DMD: variants seen among roughly 807,000 people sequenced by gnomAD.
DMD encodes the protein mutant dystrophin.
In DMD, 63 loss-of-function variants were observed where a neutral mutation model predicts 330.1. That is an observed-to-expected ratio of 0.19 (90% CI 0.16 to 0.24). DMD has a LOEUF of 0.24. DMD is among the 10% of genes least tolerant of loss of function. DMD has a pLI of 1.00. For synonymous variants in DMD, 1,223 were observed against 959.8 expected (o/e 1.27, Z -5.07); for missense variants, 3,344 against 2,684.1 (o/e 1.25, Z -5.43).
intron 42 of DMD, among the ~76,000 whole-genome samples, chrX:32,300,781 CAG>C (rs1172072048): frequency 1.8e-5 from 2 of 110,887 alleles, no homozygotes; most frequent in African/African-American, 6.5e-5. Flanking sequence ...TGTGACTCAG[CAG>C]AGGAGGGCCA....
At position 31,726,019 on chromosome X, in the gene DMD, G is replaced by A. The variant is rs201819024; in HGVS notation, c.7660+3612C>T. Among the ~76,000 whole-genome samples, 3 of 111,981 alleles carry A rather than the reference G, an allele frequency of 2.7e-5. No homozygotes were observed. In the East Asian group the frequency reaches 8.4e-4, roughly 31 times the overall value. On this transcript the variant is annotated intron_variant, in intron 52 of 78. Coordinates refer to ENST00000357033, the MANE Select transcript of DMD (RefSeq NM_004006.3). ...TTTGGTCCCCTGACCCAGCCCTTTT[G>A]CAGAAGAAAATGGCCAGGAATGATT...
chrX:31,982,303 T>A lies in DMD; in HGVS notation c.6439-13789A>T, dbSNP rs150227759. Among the ~76,000 whole-genome samples the A allele has an allele frequency of 2.3e-3, 252 of 111,767 alleles. 1 individual carries two copies. The highest frequency in any genetic ancestry group is 5.9e-3 in the Admixed American group (62 of 10,513). ...CAGTTGCCCACCACCTGAAAAAGTT[T>A]GAGGTCCTCTGGCAAATAATGGACA... On this transcript the variant is annotated intron_variant, in intron 44 of 78. Coordinates refer to ENST00000357033, the MANE Select transcript of DMD (RefSeq NM_004006.3).
intron 7 of DMD, among the ~76,000 whole-genome samples, chrX:32,798,775 C>G (rs1471816483): frequency 1.8e-5 from 2 of 111,396 alleles, no homozygotes; most frequent in Non-Finnish European, 3.8e-5. Flanking sequence ...ACAAGGTACT[C>G]TATAATGAGT....
At chrX:31,549,024 A>G (rs1232427314) in intron 55 of DMD, among the ~76,000 whole-genome samples, 1 of 111,354 alleles carries the variant, frequency 9.0e-6, no homozygotes, top group Non-Finnish European at 1.9e-5. Flanking sequence ...AAAGAGACTA[A>G]CACAAAATAA....
chrX:32,981,216 T>G (rs1376903418), intron 2 of DMD, among the ~76,000 whole-genome samples: 1 of 112,008 alleles, frequency 8.9e-6, no homozygotes, highest in East Asian at 2.8e-4. Flanking sequence ...TCTTTAGAGT[T>G]TGCTTATTCA....
rs762500313 is a variant in DMD at position 32,802,055 on chromosome X, T to C, written c.649+7438A>G. On this transcript the variant is annotated intron_variant, in intron 7 of 78. Transcript: ENST00000357033. The stretch of plus-strand genomic sequence containing the variant: ...TTTCTAATTCTGTGAAGAAAGTGAA[T>C]TGTAGCTTAATGAGGTAACATTGAA... Among the ~76,000 whole-genome samples, 13 of 112,183 alleles carry C rather than the reference T, an allele frequency of 1.2e-4. No individual in the cohort carries two copies. The East Asian group carries it at 3.6e-3, about 31-fold the overall frequency.
chrX:32,126,578 C>T (rs1883149521), intron 44 of DMD, among the ~76,000 whole-genome samples: 1 of 112,053 alleles, frequency 8.9e-6, no homozygotes, highest in African/African-American at 3.2e-5. Flanking sequence ...TCACAAAAAT[C>T]TAATTGAATA....
chrX:31,473,657 G>A (rs1172863308), intron 59 of DMD, among the ~76,000 whole-genome samples: 13 of 95,929 alleles, frequency 1.4e-4, no homozygotes, highest in Admixed American at 5.8e-4. Context: ...GAGGTTCAGC[G>A]AGCCGAGATC....
At chrX:33,302,186 T>A (rs1253399795) in intron 1 of DMD, among the ~76,000 whole-genome samples, 2 of 111,737 alleles carry the variant, frequency 1.8e-5, no homozygotes, top group African/African-American at 3.2e-5. Flanking sequence ...AGGTTGCTGG[T>A]CATTTCCACT....
intron 9 of DMD, among the ~76,000 whole-genome samples, chrX:32,686,157 T>C (rs1463056491): frequency 2.7e-5 from 3 of 111,886 alleles, no homozygotes; most frequent in Admixed American, 9.5e-5. Flanking sequence ...TTTTCACTGA[T>C]ATTATTTGTA....
chrX:32,867,267 A>C (rs911670525), intron 2 of DMD, among the ~76,000 whole-genome samples: 11 of 111,982 alleles, frequency 9.8e-5, no homozygotes, highest in Non-Finnish European at 2.1e-4. Flanking sequence ...CTTCATTATA[A>C]GCTATAATTT....
intron 45 of DMD, among the ~76,000 whole-genome samples, chrX:31,966,878 T>C (rs1311848862): frequency 9.0e-6 from 1 of 110,864 alleles, no homozygotes. Context: ...AGTAAGACAT[T>C]TAAAATAGGA....
intron 51 of DMD, among the ~76,000 whole-genome samples, chrX:31,739,765 T>C: frequency 9.4e-6 from 1 of 105,975 alleles, no homozygotes; most frequent in South Asian, 4.1e-4. Context: ...ATCCCAGAAC[T>C]TAAAGTAAAA....
rs192903339 is a variant in DMD at position 33,133,414 on chromosome X, T to C, written c.31+77868A>G. 5.8e-4 allele frequency among the ~76,000 whole-genome samples: 65 copies of C among 111,555 alleles called. 1 individual carries two copies. Among genetic ancestry groups the C allele is most frequent in the African/African-American group, 1.9e-3 (59 of 30,772 alleles). On this transcript the variant is annotated intron_variant, in intron 1 of 78. Transcript: ENST00000357033. ...TTTTTTAAAATGACCATCTTGAAAATCATGTTTCCTGGAGTCACCTCCAAA... is the reference window on the plus strand; with the variant it reads ...TTTTTTAAAATGACCATCTTGAAAACCATGTTTCCTGGAGTCACCTCCAAA...
At chrX:33,234,071 A>G (rs1486397301) in intron 1 of DMD, among the ~76,000 whole-genome samples, 1 of 111,973 alleles carries the variant, frequency 8.9e-6, no homozygotes, top group African/African-American at 3.2e-5. Context: ...ATGAAGCCAG[A>G]GCCCTTGCTT....
intron 18 of DMD, among the ~76,000 whole-genome samples, chrX:32,510,550 C>T (rs138334377): frequency 0.013 from 1,405 of 111,800 alleles, 18 homozygotes; most frequent in African/African-American, 0.043. Context: ...CTTCTCTACT[C>T]TATCCCAAGT....
At chrX:32,853,348 A>G (rs2081283759) in intron 2 of DMD, among the ~76,000 whole-genome samples, 1 of 112,527 alleles carries the variant, frequency 8.9e-6, no homozygotes, top group Non-Finnish European at 1.9e-5. Flanking sequence ...CATATCTTGA[A>G]TAAGAAGAGT....
chrX:32,844,926 C>T, intron 3 of DMD, 66 bp from the exon 4 acceptor site: 1 of 905,040 alleles, frequency 1.1e-6, no homozygotes, highest in South Asian at 2.0e-5. Context: ...AGAAATGAAA[C>T]CATTTATAAT....
intron 1 of DMD, among the ~76,000 whole-genome samples, chrX:33,323,691 T>C (rs1475707998): frequency 9.0e-6 from 1 of 111,566 alleles, no homozygotes; most frequent in Admixed American, 9.6e-5. Flanking sequence ...ATATTTTCTA[T>C]CCTTCCCACT....
Sources: gnomAD v4.1 joint callset for allele counts (sites outside exome capture counted in the v4.1 genomes callset) on GRCh38, gnomAD v4.1.1 for gene constraint, MANE v1.5 for transcripts, NCBI Gene and HGNC (gene_info 2026-07-23, HGNC 2026-07-21) for gene names.